AGBL1: variants seen among roughly 807,000 people sequenced by gnomAD.
AGBL1 encodes AGBL carboxypeptidase 1.
AGBL1 carries 130 observed loss-of-function variants against 118.9 expected under a neutral mutation model. The ratio of observed to expected loss-of-function variants is 1.09; its 90% CI spans 0.95 to 1.26. The LOEUF is 1.26. AGBL1 is among the 50% of genes most tolerant of loss of function. The pLI, the probability that AGBL1 is intolerant of heterozygous loss-of-function variation, is 0.00. For missense variants in AGBL1, 1,584 were observed against 1,298.1 expected (o/e 1.22, Z -3.38); for synonymous variants, 555 against 478.9 (o/e 1.16, Z -2.08).
chr15:86,986,475 A>T (rs936157367), intron 23 of AGBL1, among the ~76,000 whole-genome samples: 1 of 152,184 alleles, frequency 6.6e-6, no homozygotes, highest in Non-Finnish European at 1.5e-5. Context: ...TCAAACTTGT[A>T]GTCATTGTAT....
chr15:86,643,353 C>G (rs1179952062), intron 21 of AGBL1, among the ~76,000 whole-genome samples: 1 of 151,650 alleles, frequency 6.6e-6, no homozygotes, highest in African/African-American at 2.4e-5. Flanking sequence ...TTATTTTATC[C>G]TGATTTTAAA....
intron 22 of AGBL1, among the ~76,000 whole-genome samples, chr15:86,756,068 A>C (rs949142881): frequency 6.6e-6 from 1 of 152,140 alleles, no homozygotes; most frequent in East Asian, 1.9e-4. Flanking sequence ...AAATTCCCCA[A>C]GGGGCATGCA....
intron 21 of AGBL1, among the ~76,000 whole-genome samples, chr15:86,603,007 T>C (rs2084519701): frequency 6.6e-6 from 1 of 152,078 alleles, no homozygotes; most frequent in Non-Finnish European, 1.5e-5. Context: ...CAATTGTAGA[T>C]GAAGCCCCAT....
chr15:86,998,279 C>A (rs937782403), intron 24 of AGBL1, among the ~76,000 whole-genome samples: 1 of 152,158 alleles, frequency 6.6e-6, no homozygotes, highest in Non-Finnish European at 1.5e-5. Flanking sequence ...TAGATTCTCT[C>A]AATTGACTCT....
intron 17 of AGBL1, among the ~76,000 whole-genome samples, chr15:86,364,129 AATC>A (rs1309339788): frequency 1.3e-5 from 2 of 152,166 alleles, no homozygotes; most frequent in East Asian, 3.9e-4. Flanking sequence ...ACTCTGGAAT[AATC>A]ATTCTTTTCT....
chr15:86,564,900 C>A (rs899333881), intron 21 of AGBL1, among the ~76,000 whole-genome samples: 7 of 152,164 alleles, frequency 4.6e-5, no homozygotes, highest in Admixed American at 1.3e-4. Flanking sequence ...GTCACTGATA[C>A]CTTTTCTTCC....
chr15:86,787,445 G>A (rs185157968), intron 22 of AGBL1, among the ~76,000 whole-genome samples: 1 of 152,068 alleles, frequency 6.6e-6, no homozygotes, highest in African/African-American at 2.4e-5. Flanking sequence ...CCCTACCCTA[G>A]TAATTGCTGT....
rs570141770 is a variant in AGBL1 at position 86,925,791 on chromosome 15, C to T, written c.3222-62196C>T. Among the ~76,000 whole-genome samples, 14 of 147,400 alleles carry T rather than the reference C, an allele frequency of 9.5e-5. No individual in the cohort carries two copies. In the East Asian group the frequency reaches 1.2e-3, roughly 13 times the overall value. On this transcript the variant is annotated intron_variant, in intron 23 of 24. Coordinates refer to the AGBL1 transcript ENST00000441037. Reference sequence around the variant, plus strand: ...TGTCACCCAGGCTGGAGTGCAGTGGCGCCATCTCGGCTCACTGCAACCTCC... The same window carrying T: ...TGTCACCCAGGCTGGAGTGCAGTGGTGCCATCTCGGCTCACTGCAACCTCC...
intron 22 of AGBL1, among the ~76,000 whole-genome samples, chr15:86,735,519 A>G (rs1231154557): frequency 6.6e-6 from 1 of 152,034 alleles, no homozygotes; most frequent in Non-Finnish European, 1.5e-5. Flanking sequence ...CTATCTATCT[A>G]TAAATCAAAT....
chr15:86,226,845 A>G lies in AGBL1; in HGVS notation c.526+1894A>G, dbSNP rs571830318. Among the ~76,000 whole-genome samples the G allele has an allele frequency of 5.8e-4, 89 of 152,274 alleles. 3 individuals carry two copies. The South Asian group carries it at 0.018, about 30-fold the overall frequency. On this transcript the variant is annotated intron_variant, in intron 6 of 22. Transcript: ENST00000614907. ...TTGGATGCCCCTCACCAATGCTTTT[A>G]TAGGCTCTCCCAACTCAGACTTGAT...
At chr15:86,270,615 C>T (rs2079144917) in intron 14 of AGBL1, among the ~76,000 whole-genome samples, 1 of 152,150 alleles carries the variant, frequency 6.6e-6, no homozygotes, top group Non-Finnish European at 1.5e-5. Context: ...TACTAACTTG[C>T]TGGGTGGCTT....
At chr15:86,671,824 C>T (rs1030172072) in intron 21 of AGBL1, among the ~76,000 whole-genome samples, 1 of 152,162 alleles carries the variant, frequency 6.6e-6, no homozygotes, top group African/African-American at 2.4e-5. Context: ...TTTAGAGTCG[C>T]TATTTACCCA....
intron 16 of AGBL1, among the ~76,000 whole-genome samples, chr15:86,281,356 G>A (rs73451535): frequency 2.0e-5 from 3 of 152,038 alleles, no homozygotes; most frequent in Admixed American, 6.6e-5. Flanking sequence ...GCATTCCATC[G>A]TGGGCAACCA....
chr15:86,332,094 T>TG (rs1036827491), intron 17 of AGBL1, among the ~76,000 whole-genome samples: 9 of 112,274 alleles, frequency 8.0e-5, no homozygotes, highest in African/African-American at 1.5e-4. Context: ...GTCATGCAAA[T>TG]GGGAAAAAAA....
intron 22 of AGBL1, among the ~76,000 whole-genome samples, chr15:86,755,461 G>A (rs933882187): frequency 3.3e-5 from 5 of 152,076 alleles, no homozygotes; most frequent in Non-Finnish European, 7.4e-5. Context: ...CCAGGAACAA[G>A]AAGTTGCCCA....
intron 24 of AGBL1, among the ~76,000 whole-genome samples, chr15:87,020,061 G>A (rs1040457934): frequency 2.0e-5 from 3 of 151,564 alleles, no homozygotes; most frequent in Non-Finnish European, 2.9e-5. Flanking sequence ...ACTGAACCAG[G>A]AAAAAAATTG....
intron 21 of AGBL1, among the ~76,000 whole-genome samples, chr15:86,584,110 A>T (rs879177901): frequency 1.3e-5 from 2 of 152,086 alleles, no homozygotes; most frequent in Non-Finnish European, 2.9e-5. Flanking sequence ...ATAGTTTGCA[A>T]ATACTTTTTG....
At chr15:86,104,653 G>A (rs536157370) in intron 1 of AGBL1, among the ~76,000 whole-genome samples, 2 of 152,184 alleles carry the variant, frequency 1.3e-5, no homozygotes, top group Non-Finnish European at 2.9e-5. Flanking sequence ...GCCAGCAGTG[G>A]TGATGGCTAA....
intron 18 of AGBL1, among the ~76,000 whole-genome samples, chr15:86,470,602 G>T (rs1441700233): frequency 6.6e-6 from 1 of 152,080 alleles, no homozygotes; most frequent in Non-Finnish European, 1.5e-5. Context: ...GAGAGGGATG[G>T]CATTGAAGTT....
Sources: gnomAD v4.1 joint callset for allele counts (sites outside exome capture counted in the v4.1 genomes callset) on GRCh38, gnomAD v4.1.1 for gene constraint, MANE v1.5 for transcripts, NCBI Gene and HGNC (gene_info 2026-07-23, HGNC 2026-07-21) for gene names.